The following MYO15A variants were observed in gnomAD, a reference collection of about 807,000 sequenced individuals.
MYO15A encodes unconventional myosin-XV.
A neutral mutation model predicts 394.6 loss-of-function variants in MYO15A; 308 were observed. The ratio of observed to expected loss-of-function variants is 0.78; its 90% CI spans 0.71 to 0.86. The LOEUF (loss-of-function observed/expected upper bound fraction) is 0.86, where lower values mean the gene tolerates loss of function less well. MYO15A is among the 40% of genes least tolerant of loss of function. MYO15A has a pLI of 0.00. For synonymous variants in MYO15A, 1,957 were observed against 2,003.8 expected, an observed-to-expected ratio of 0.98 and a Z score of 0.62; for missense variants, 4,606 against 4,799.1, an observed-to-expected ratio of 0.96 and a Z score of 1.19.
At chr17:18,155,081 G>A in intron 45 of MYO15A, 29 bp from the exon 46 acceptor site, 1 of 1,597,532 alleles carries the variant, frequency 6.3e-7, no homozygotes, top group Non-Finnish European at 8.5e-7. Context: ...AGTGGGGAGA[G>A]GGTCCTGACC....
rs750828556 is a variant in MYO15A, at chr17:18,119,374, C to G, written c.574C>G (p.Arg192Gly). 5.6e-6 allele frequency: 9 copies of G among 1,609,958 alleles called. No homozygotes were observed. The highest frequency in any genetic ancestry group is 1.7e-5 in the Admixed American group (1 of 59,986). ...RPGGRLRRFPRSRSIYASGEP... is the reference protein window; with the variant it reads ...RPGGRLRRFPGSRSIYASGEP... ...TGGGGGCCGGCTCCGGAGGTTCCCC[C>G]GCAGCCGCAGCATCTACGCGTCAGG... Residue 192 changes from arginine to glycine, a missense_variant, in exon 2 of 66, where the codon CGC becomes GGC. Arg to Gly is a moderately radical substitution (Grantham distance 125). Coordinates refer to ENST00000647165, the MANE Select transcript of MYO15A (RefSeq NM_016239.4).
chr17:18,116,566 C>G (rs2045788310), intron 1 of MYO15A, among the ~76,000 whole-genome samples: 2 of 152,310 alleles, frequency 1.3e-5, no homozygotes, highest in South Asian at 4.1e-4. Context: ...CTGACTGGGG[C>G]CTCACTTTGG....
intron 25 of MYO15A, 37 bp downstream of exon 25, chr17:18,142,877 C>T: frequency 6.4e-7 from 1 of 1,573,800 alleles, no homozygotes; most frequent in Non-Finnish European, 8.7e-7. Context: ...AAGGGGACAG[C>T]AGAGAAGGGG....
chr17:18,130,462 G>A (rs1009594703), intron 7 of MYO15A, among the ~76,000 whole-genome samples: 1 of 151,978 alleles, frequency 6.6e-6, no homozygotes, highest in Admixed American at 6.6e-5. Flanking sequence ...CCAAGCAGAG[G>A]GAACAGGAGA....
rs180687525 is a variant in MYO15A, at chr17:18,156,095, C to T, written c.8460-100C>T. On this transcript the variant is annotated intron_variant, in intron 47 of 65. Coordinates refer to ENST00000647165, the MANE Select transcript of MYO15A (RefSeq NM_016239.4). Reference sequence around the variant, plus strand: ...CTGGCACAATGGGGCCAAGGTGGGGCTGGGCTTCAAATGGGGCAGGACAGG... The same window carrying T: ...CTGGCACAATGGGGCCAAGGTGGGGTTGGGCTTCAAATGGGGCAGGACAGG... The T allele has an allele frequency of 6.9e-5, 109 of 1,582,452 alleles. No homozygotes were observed. In the Middle Eastern group the frequency reaches 1.3e-3, roughly 18 times the overall value.
chr17:18,128,079 T>C (rs1403100459), intron 7 of MYO15A, among the ~76,000 whole-genome samples: 1 of 151,766 alleles, frequency 6.6e-6, no homozygotes, highest in East Asian at 1.9e-4. Flanking sequence ...TGCAAGCAGA[T>C]TGGGTCCAGG....
chr17:18,131,153 T>G (rs1304227603), intron 8 of MYO15A, 86 bp from the exon 9 acceptor site: 5 of 1,238,422 alleles, frequency 4.0e-6, no homozygotes, highest in Non-Finnish European at 5.9e-6. Context: ...AAGGCTCATG[T>G]CTGGGTGTCC....
chr17:18,155,663 C>T lies in MYO15A; in HGVS notation c.8459+231C>T, dbSNP rs142790781. Among the ~76,000 whole-genome samples, 275 of 152,316 alleles carry T rather than the reference C, an allele frequency of 1.8e-3. 3 individuals carry two copies. Among genetic ancestry groups the T allele is most frequent in the African/African-American group, 6.4e-3 (265 of 41,564 alleles). On this transcript the variant is annotated intron_variant, in intron 47 of 65. Transcript: ENST00000647165. ...ATTGAGCTAGGCACCCACTCCCCTGCCCTCCCCCCAACCTGCACAGCAGCA... is the reference window on the plus strand; with the variant it reads ...ATTGAGCTAGGCACCCACTCCCCTGTCCTCCCCCCAACCTGCACAGCAGCA...
Position 18,149,577 on chromosome 17 carries a change from T to C in MYO15A, c.7209T>C (p.Asp2403=). The C allele has an allele frequency of 1.2e-6, 2 of 1,613,710 alleles. No individual in the cohort carries two copies. The highest frequency in any genetic ancestry group is 1.1e-5 in the South Asian group (1 of 91,062). The change falls in exon 35 of 66, where the codon GAT becomes GAC. Residue 2403 remains aspartate, a synonymous_variant. Transcript: ENST00000647165. The part of the protein sequence containing the change: ...SLFDPVLSYG[D]ADLEKPTAIA... ...TTGACCCTGTGCTGTCCTACGGGGA[T>C]GCGGTAGGGATGGTGTGGGGTGGGT...
intron 40 of MYO15A, 56 bp downstream of exon 40, chr17:18,151,583 A>C (rs2046583731): frequency 1.2e-6 from 2 of 1,608,196 alleles, no homozygotes; most frequent in African/African-American, 1.3e-5. Context: ...CTGAGTGTCC[A>C]TCATGGCCCA....
Position 18,166,506 on chromosome 17 carries a change from C to T in MYO15A, c.9933C>T (p.Thr3311=). The change falls in exon 61 of 66, where the codon ACC becomes ACT. Residue 3311 remains threonine, a synonymous_variant. Transcript: ENST00000647165. ...AGTTCGAGAATGAGCTATATGTGACCATGCACTACAACCAGGTCAGCACAC... is the reference window on the plus strand; with the variant it reads ...AGTTCGAGAATGAGCTATATGTGACTATGCACTACAACCAGGTCAGCACAC... The part of the protein sequence containing the change: ...PLKFENELYV[T]MHYNQVLPDY... The T allele has an allele frequency of 6.2e-7, 1 of 1,613,446 alleles. No homozygotes were observed. The highest frequency in any genetic ancestry group is 8.5e-7 in the Non-Finnish European group (1 of 1,180,032).
Position 18,147,901 on chromosome 17 carries a change from T to C in MYO15A, c.6510-128T>C, listed in dbSNP as rs1302824202. On this transcript the variant is annotated intron_variant, in intron 30 of 65. Coordinates refer to ENST00000647165, the MANE Select transcript of MYO15A (RefSeq NM_016239.4). The surrounding 1 kb of genome is among the most constrained non-coding windows in gnomAD (Gnocchi z 4.4). ...AGCCTGGAGCCTTTTTAGCCTCACC[T>C]TGGAGCTCTGGAGTAGCCTGGGCCT... 3 of 1,223,066 alleles carry C rather than the reference T, an allele frequency of 2.5e-6. No individual in the cohort carries two copies. Among genetic ancestry groups the C allele is most frequent in the Non-Finnish European group, 3.6e-6 (3 of 842,410 alleles). 75.8% of individuals were successfully genotyped at this position (1,223,066 alleles called of 1,614,324 possible).
chr17:18,136,787 C>A, intron 15 of MYO15A, 101 bp downstream of exon 15: 1 of 1,473,000 alleles, frequency 6.8e-7, no homozygotes, highest in South Asian at 1.3e-5. Flanking sequence ...GTGCCTGCAG[C>A]AGGTGCCATC....
intron 1 of MYO15A, among the ~76,000 whole-genome samples, chr17:18,112,732 A>AT (rs56722067): frequency 0.02 from 3,075 of 151,894 alleles, 83 homozygotes; most frequent in African/African-American, 0.06. Context: ...TAAATGTTAC[A>AT]TTTTTTTTGG....
chr17:18,141,646 C>T lies in MYO15A; in HGVS notation c.5532-7C>T. 6.2e-7 allele frequency: 1 copy of T among 1,613,570 alleles called. No homozygotes were observed. On this transcript the variant is annotated splice_region_variant and splice_polypyrimidine_tract_variant and intron_variant, in intron 22 of 65. Coordinates refer to ENST00000647165, the MANE Select transcript of MYO15A (RefSeq NM_016239.4). ...TAGCCCCAGACTAACTTTGGGCCCC[C>T]TACCAGGTACTGCTGTCTAGTGGCC...
In MYO15A at chr17:18,118,690, C is replaced by G. The variant is rs892121690; in HGVS notation, c.-111C>G. ...GGGCCAGTCGGGTCTGCTCACAGCC[C>G]GAGGAGGCCGCGTGTCCAGCCGCGG... On this transcript the variant is annotated 5_prime_UTR_variant, in exon 2 of 66. Coordinates refer to ENST00000647165, the MANE Select transcript of MYO15A (RefSeq NM_016239.4). 5 of 1,554,116 alleles carry G rather than the reference C, an allele frequency of 3.2e-6. No individual in the cohort carries two copies. The highest frequency in any genetic ancestry group is 2.6e-6 in the Non-Finnish European group (3 of 1,146,846).
Position 18,117,104 on chromosome 17 carries a change from T to G in MYO15A, c.-219-1478T>G, listed in dbSNP as rs1273498257. Among the ~76,000 whole-genome samples the G allele has an allele frequency of 1.3e-5, 2 of 152,126 alleles. No homozygotes were observed. Among genetic ancestry groups the G allele is most frequent in the Non-Finnish European group, 2.9e-5 (2 of 68,006 alleles). ...CCAAAAGCCCTCCATCCAATTTCTC[T>G]GGTTTCCATCAAGCCCCACTCCCCA... On this transcript the variant is annotated intron_variant, in intron 1 of 65. Transcript: ENST00000647165. The surrounding 1 kb of genome is among the most constrained non-coding windows in gnomAD (Gnocchi z 4.1).
At chr17:18,124,080 C>T in intron 2 of MYO15A, 1 of 292,698 alleles carries the variant, frequency 3.4e-6, no homozygotes. Context: ...TCCATCTCTG[C>T]CCTCCTAGAG....
intron 62 of MYO15A, among the ~76,000 whole-genome samples, chr17:18,170,289 G>A (rs1364538369): frequency 6.6e-6 from 1 of 151,882 alleles, no homozygotes; most frequent in Non-Finnish European, 1.5e-5. Context: ...GTATTCCAGC[G>A]CCTGTAACAC....
Sources: allele counts gnomAD v4.1 joint callset (sites outside exome capture counted in the v4.1 genomes callset), GRCh38; gene constraint gnomAD v4.1.1; non-coding constraint Gnocchi (gnomAD v3.1); transcripts MANE v1.5; gene names NCBI Gene and HGNC (gene_info 2026-07-23, HGNC 2026-07-21).